The following DET1 variants were observed in gnomAD, a reference collection of about 807,000 sequenced individuals.
The protein encoded by DET1 is DET1 homolog.
Under a neutral mutation model 43.7 loss-of-function variants are expected in DET1, and 22 were observed. That is an observed-to-expected ratio of 0.50 (90% confidence interval 0.36 to 0.72). The LOEUF is 0.72. DET1 is among the 30% of genes least tolerant of loss of function. The probability of loss-of-function intolerance (pLI) is 0.00; values close to 1 mark genes in which losing one functional copy is unlikely to be tolerated. For missense variants in DET1, 713 were observed against 713.3 expected (o/e 1.00, Z 0.00); for synonymous variants, 315 against 266.2 (o/e 1.18, Z -1.79).
intron 1 of DET1, among the ~76,000 whole-genome samples, chr15:88,535,080 A>G (rs2056913117): frequency 6.6e-6 from 1 of 152,262 alleles, no homozygotes; most frequent in African/African-American, 2.4e-5. Context: ...ATGGAAAAAC[A>G]AAGTCTCAGC....
intron 1 of DET1, among the ~76,000 whole-genome samples, chr15:88,543,453 G>C (rs1231626474): frequency 6.6e-6 from 1 of 152,166 alleles, no homozygotes; most frequent in Non-Finnish European, 1.5e-5. Flanking sequence ...CTCCCACATG[G>C]TGTTTAAATC....
intron 1 of DET1, among the ~76,000 whole-genome samples, chr15:88,545,591 C>T (rs1312431427): frequency 6.6e-6 from 1 of 152,068 alleles, no homozygotes; most frequent in Non-Finnish European, 1.5e-5. Context: ...ATTTTTAGGC[C>T]TTGTATATTA....
intron 1 of DET1, among the ~76,000 whole-genome samples, chr15:88,537,225 C>A (rs1475032400): frequency 6.6e-6 from 1 of 152,194 alleles, no homozygotes; most frequent in Non-Finnish European, 1.5e-5. Context: ...ATGGTAAGCA[C>A]TGTTTTGTAA....
At chr15:88,513,669 A>C (rs2056259155) in intron 4 of DET1, among the ~76,000 whole-genome samples, 2 of 137,928 alleles carry the variant, frequency 1.5e-5, no homozygotes, top group African/African-American at 5.5e-5. Flanking sequence ...TTGACACTTG[A>C]GCACATCTCA....
At chr15:88,503,382 G>T (rs1457238062) in intron 8 of DET1, 1 of 152,102 alleles carries the variant, frequency 6.6e-6, no homozygotes, top group Non-Finnish European at 1.5e-5. Context: ...CACCTACAAG[G>T]AAGAAGATGG....
At position 88,527,701 on chromosome 15, in the gene DET1, A is replaced by G; in HGVS notation, c.1169T>C (p.Phe390Ser). ...ENTSDELLELFENFCDLFRNA... is the reference protein window; with the variant it reads ...ENTSDELLELSENFCDLFRNA... Reference sequence around the variant, plus strand: ...ACGAAAAAGGTCACAGAAGTTCTCAAAGAGCTCCAAAAGCTCATCTGATGT... The same window carrying G: ...ACGAAAAAGGTCACAGAAGTTCTCAGAGAGCTCCAAAAGCTCATCTGATGT... The change falls in exon 3 of 5, where the codon TTT becomes TCT. Residue 390 changes from phenylalanine to serine, a missense_variant. Phe to Ser is a radical substitution (Grantham distance 155). Transcript: ENST00000268148. 6 of 1,613,932 alleles carry G rather than the reference A, an allele frequency of 3.7e-6. No individual in the cohort carries two copies. Among genetic ancestry groups the G allele is most frequent in the Non-Finnish European group, 4.2e-6 (5 of 1,179,846 alleles).
At position 88,531,415 on chromosome 15, in the gene DET1, C is replaced by T. The variant is rs1433145120; in HGVS notation, c.291G>A (p.Leu97=). ...YQGCQAAEDL[L]QGYEGEILSN... ...ACAGGATTTCTCCTTCGTATCCCTGCAGTAGGTCCTCTGCTGCCTGGCAGC... is the reference window on the plus strand; with the variant it reads ...ACAGGATTTCTCCTTCGTATCCCTGTAGTAGGTCCTCTGCTGCCTGGCAGC... Residue 97 remains leucine (L), a synonymous_variant, in exon 2 of 5, where the codon CTG becomes CTA. Transcript: ENST00000268148. This position sits in a 1 kb window ranked among gnomAD's most constrained non-coding sequence, Gnocchi z 6.2. 1.9e-6 allele frequency: 3 copies of T among 1,613,938 alleles called. No homozygotes were observed. Among genetic ancestry groups the T allele is most frequent in the Non-Finnish European group, 2.5e-6 (3 of 1,179,904 alleles).
At chr15:88,513,542 A>C (rs2056252236) in intron 4 of DET1, among the ~76,000 whole-genome samples, 2 of 152,206 alleles carry the variant, frequency 1.3e-5, no homozygotes, top group South Asian at 4.1e-4. Context: ...AAAAAGGGGA[A>C]ATTTTAATAA....
In DET1 at chr15:88,531,571, A is replaced by G. The variant is rs965158821; in HGVS notation, c.135T>C (p.Asn45=). 2 of 1,614,014 alleles carry G rather than the reference A, an allele frequency of 1.2e-6. No individual in the cohort carries two copies. The highest frequency in any genetic ancestry group is 1.7e-6 in the Non-Finnish European group (2 of 1,179,894). The change falls in exon 2 of 5, where the codon AAT becomes AAC. Residue 45 remains asparagine (N), a synonymous_variant. Transcript: ENST00000268148. This position sits in a 1 kb window ranked among gnomAD's most constrained non-coding sequence, Gnocchi z 6.2. The stretch of plus-strand genomic sequence containing the variant: ...TGACAACTGTGAAGTTGGGGAAGAC[A>G]TTCTGATGGAACACTCGGACTTGGT... ...HWHQVRVFHQ[N]VFPNFTVVNV...
intron 3 of DET1, among the ~76,000 whole-genome samples, chr15:88,521,060 T>C (rs1477670875): frequency 1.3e-5 from 2 of 152,172 alleles, no homozygotes; most frequent in Admixed American, 1.3e-4. Flanking sequence ...GCCAAAGCCA[T>C]AGAATGGCCT....
At chr15:88,533,184 T>C (rs551770373) in intron 1 of DET1, among the ~76,000 whole-genome samples, 1 of 152,278 alleles carries the variant, frequency 6.6e-6, no homozygotes, top group Non-Finnish European at 1.5e-5. Flanking sequence ...AAAAGATAGA[T>C]GCTCAACATC....
chr15:88,516,694 C>A lies in DET1; in HGVS notation c.1463+88G>T. ...TACCCATGAGTACGAGTCACAGTCA[C>A]AATCAAATGATGTCCAGAAAAAGAG... is the stretch of plus-strand genomic sequence containing the variant. On this transcript the variant is annotated intron_variant, in intron 4 of 4. Coordinates refer to ENST00000268148, the MANE Select transcript of DET1 (RefSeq NM_001144074.3). This position sits in a 1 kb window ranked among gnomAD's most constrained non-coding sequence, Gnocchi z 4.4. 8.5e-7 allele frequency: 1 copy of A among 1,181,152 alleles called. No homozygotes were observed. The highest frequency in any genetic ancestry group is 1.1e-6 in the Non-Finnish European group (1 of 878,880). 73.2% of individuals were successfully genotyped at this position (1,181,152 alleles called of 1,614,324 possible). A position where few individuals can be genotyped will look rare whatever the true frequency, so the allele number is the denominator to read the frequency against.
intron 1 of DET1, among the ~76,000 whole-genome samples, chr15:88,544,379 T>C (rs546919773): frequency 3.3e-5 from 5 of 152,344 alleles, no homozygotes; most frequent in African/African-American, 1.2e-4. Context: ...TTTAAAATCA[T>C]GTATGGGAGG....
rs569023008 is a variant in DET1, at chr15:88,539,397, C to T, written c.-11+7143G>A. ...CCCAAGTCCCCTCAGGGGAAGTGAC[C>T]AGGTGGGCATCTGACTGATCCCATC... On this transcript the variant is annotated intron_variant, in intron 1 of 4. Coordinates refer to ENST00000268148, the MANE Select transcript of DET1 (RefSeq NM_001144074.3). Among the ~76,000 whole-genome samples the T allele has an allele frequency of 5.4e-5, 8 of 146,902 alleles. No individual in the cohort carries two copies. The South Asian group carries it at 1.7e-3, about 31-fold the overall frequency.
rs574087869 is a variant in DET1, at chr15:88,536,904, A to C, written c.-10-5189T>G. Among the ~76,000 whole-genome samples, 9 of 152,314 alleles carry C rather than the reference A, an allele frequency of 5.9e-5. No individual in the cohort carries two copies. The South Asian group carries it at 1.7e-3, about 28-fold the overall frequency. ...CAAGTGGTTAGAGCACAGGAAGCAC[A>C]GAGTGAGTGATAAGAGAGGCCTAGA... is the stretch of plus-strand genomic sequence containing the variant. On this transcript the variant is annotated intron_variant, in intron 1 of 4. Coordinates refer to ENST00000268148, the MANE Select transcript of DET1 (RefSeq NM_001144074.3).
intron 1 of DET1, among the ~76,000 whole-genome samples, chr15:88,536,104 C>A (rs1351249322): frequency 2.6e-5 from 4 of 152,184 alleles, no homozygotes; most frequent in Non-Finnish European, 1.5e-5. Flanking sequence ...CTGTAGATTT[C>A]TCATCAGAAA....
chr15:88,530,025 T>G (rs1305114112), intron 2 of DET1, among the ~76,000 whole-genome samples: 3 of 152,210 alleles, frequency 2.0e-5, no homozygotes, highest in Non-Finnish European at 4.4e-5. Context: ...AATTTCAGCT[T>G]CCTTTTGACC....
At chr15:88,513,206 A>G in intron 4 of DET1, 66 bp from the exon 5 acceptor site, 2 of 1,472,794 alleles carry the variant, frequency 1.4e-6, no homozygotes, top group Non-Finnish European at 1.8e-6. Flanking sequence ...TCGAACTGAA[A>G]TCTAGACAGC....
Position 88,531,085 on chromosome 15 carries a change from G to A in DET1, c.621C>T (p.Arg207=), listed in dbSNP as rs543429492. The stretch of plus-strand genomic sequence containing the variant: ...AGACCACCTTGTCACACTTGAACGT[G>A]CGTGTATCACATAAGCGGCCGGTGT... ...DLHTGRLCDT[R]TFKCDKVVLS... The change falls in exon 2 of 5, where the codon CGC becomes CGT. Residue 207 remains arginine, a synonymous_variant. Coordinates refer to ENST00000268148, the MANE Select transcript of DET1 (RefSeq NM_001144074.3). The surrounding 1 kb of genome is among the most constrained non-coding windows in gnomAD (Gnocchi z 6.2). 1.6e-5 allele frequency: 26 copies of A among 1,613,988 alleles called. No individual in the cohort carries two copies. Among genetic ancestry groups the A allele is most frequent in the African/African-American group, 6.7e-5 (5 of 75,036 alleles).
Sources: allele counts gnomAD v4.1 joint callset (sites outside exome capture counted in the v4.1 genomes callset), GRCh38; gene constraint gnomAD v4.1.1; non-coding constraint Gnocchi (gnomAD v3.1); transcripts MANE v1.5; gene names NCBI Gene and HGNC (gene_info 2026-07-23, HGNC 2026-07-21).